The following GFRA2 variants were observed in gnomAD, a reference collection of about 807,000 sequenced individuals.
GFRA2 encodes the protein GDNF family receptor alpha-2.
Under a neutral mutation model 48.3 loss-of-function variants are expected in GFRA2, and 17 were observed. The ratio of observed to expected loss-of-function variants is 0.35; its 90% CI spans 0.24 to 0.53. The LOEUF is 0.53. Among genes scored for constraint, GFRA2 ranks in the 20% least tolerant of loss-of-function variants. The pLI, the probability that GFRA2 is intolerant of heterozygous loss-of-function variation, is 0.93. For missense variants in GFRA2, 660 were observed against 637.3 expected, an observed-to-expected ratio of 1.04 and a Z score of -0.38; for synonymous variants, 305 against 257.2, an observed-to-expected ratio of 1.19 and a Z score of -1.78.
intron 3 of GFRA2, among the ~76,000 whole-genome samples, chr8:21,770,834 T>C (rs1806402778): frequency 6.6e-6 from 1 of 152,166 alleles, no homozygotes; most frequent in Admixed American, 6.5e-5. Flanking sequence ...ACACCCCTGC[T>C]GGCTCCACAC....
chr8:21,756,690 C>CA (rs1213866301), intron 3 of GFRA2, among the ~76,000 whole-genome samples: 3 of 152,242 alleles, frequency 2.0e-5, no homozygotes, highest in Non-Finnish European at 4.4e-5. Context: ...AGACCCCTCA[C>CA]AGTCCTTGCC....
chr8:21,773,910 G>A (rs896197643), intron 3 of GFRA2, among the ~76,000 whole-genome samples: 4 of 152,178 alleles, frequency 2.6e-5, no homozygotes, highest in Non-Finnish European at 1.5e-5. Context: ...CGGGGACATT[G>A]CTGAACATCC....
intron 4 of GFRA2, among the ~76,000 whole-genome samples, chr8:21,737,824 T>C (rs1330228971): frequency 6.6e-6 from 1 of 152,134 alleles, no homozygotes; most frequent in Non-Finnish European, 1.5e-5. Context: ...TTACAACACC[T>C]AATCAAACAG....
chr8:21,695,636 T>A (rs1043864655), intron 7 of GFRA2, among the ~76,000 whole-genome samples: 1 of 152,046 alleles, frequency 6.6e-6, no homozygotes. Flanking sequence ...TCCCCAGCTG[T>A]TGCCCTCTGC....
intron 4 of GFRA2, among the ~76,000 whole-genome samples, chr8:21,732,575 C>T (rs1412135407): frequency 2.0e-5 from 3 of 152,218 alleles, no homozygotes; most frequent in Admixed American, 1.3e-4. Flanking sequence ...CAGGGAGCCC[C>T]CATGAGACCA....
intron 3 of GFRA2, among the ~76,000 whole-genome samples, chr8:21,767,524 G>A (rs976364936): frequency 1.3e-5 from 2 of 152,236 alleles, no homozygotes; most frequent in African/African-American, 4.8e-5. Context: ...CTGAGCCGGA[G>A]TGATTGCAGT....
intron 4 of GFRA2, among the ~76,000 whole-genome samples, chr8:21,740,312 C>T (rs1403640622): frequency 2.6e-5 from 4 of 152,208 alleles, no homozygotes; most frequent in African/African-American, 9.7e-5. Context: ...AAAGGGCAAA[C>T]ATCTTCCCTT....
intron 3 of GFRA2, among the ~76,000 whole-genome samples, chr8:21,770,204 T>A (rs1806377729): frequency 6.6e-6 from 1 of 152,126 alleles, no homozygotes; most frequent in Non-Finnish European, 1.5e-5. Flanking sequence ...TGGCCTCGAA[T>A]CAGCAAAGGC....
At position 21,702,806 on chromosome 8, in the gene GFRA2, T is replaced by C; in HGVS notation, c.1217A>G (p.Gln406Arg). 2 of 1,602,374 alleles carry C rather than the reference T, an allele frequency of 1.2e-6. No homozygotes were observed. Among genetic ancestry groups the C allele is most frequent in the Non-Finnish European group, 1.7e-6 (2 of 1,174,626 alleles). ...CACGCCTCAGCCACACACCCTCACC[T>C]GGACAGACGTGCAGGTGGTGATGAC... Reference protein sequence around the residue: ...TSVITTCTSVQEQGLKANNSK... With the variant: ...TSVITTCTSVREQGLKANNSK... The change falls in exon 7 of 9, where the codon CAG (glutamine) becomes CGG (arginine). Residue 406 changes from glutamine to arginine, a missense_variant and splice_region_variant. Physicochemically the swap from Gln to Arg is conservative, Grantham distance 43. Coordinates refer to ENST00000524240, the MANE Select transcript of GFRA2 (RefSeq NM_001495.5).
At chr8:21,799,303 C>T (rs1339741049) in intron 2 of GFRA2, among the ~76,000 whole-genome samples, 6 of 151,870 alleles carry the variant, frequency 4.0e-5, no homozygotes, top group Non-Finnish European at 7.4e-5. Context: ...CTGTAAGCTC[C>T]GCCTCCTGGG....
intron 4 of GFRA2, among the ~76,000 whole-genome samples, chr8:21,738,984 G>C (rs144563230): frequency 1.8e-4 from 27 of 152,316 alleles, no homozygotes; most frequent in African/African-American, 6.5e-4. Context: ...AACATGCCCA[G>C]CTCCTGCAGC....
rs558921250 is a variant in GFRA2 at position 21,693,505 on chromosome 8, C to A, written c.1273-105G>T. 308 of 1,032,274 alleles carry A rather than the reference C, an allele frequency of 3.0e-4. 1 individual carries two copies. The African/African-American group carries it at 4.8e-3, about 16-fold the overall frequency. The allele number at this position is 1,032,274 out of a possible 1,614,324, so 63.9% of individuals were successfully genotyped here. ...GAGAAACGGACTCAGGAACTGGACA[C>A]CTCAAGCCCCTGTCCTCTCTTCCAC... On this transcript the variant is annotated intron_variant, in intron 8 of 8. Transcript: ENST00000524240.
chr8:21,794,036 C>G (rs1295588211), intron 2 of GFRA2, among the ~76,000 whole-genome samples: 1 of 151,628 alleles, frequency 6.6e-6, no homozygotes, highest in Non-Finnish European at 1.5e-5. Context: ...ATTTACTTAG[C>G]AGAGATGAGG....
rs779299331 is a variant in GFRA2 at position 21,775,726 on chromosome 8, G to T, written c.356-671C>A. ...GTGGGCTGATCCCCAGCTTCCATCT[G>T]CGTGGTCCCTCTCCTGCAGGGCCCT... On this transcript the variant is annotated intron_variant, in intron 2 of 8. Coordinates refer to ENST00000524240, the MANE Select transcript of GFRA2 (RefSeq NM_001495.5). Among the ~76,000 whole-genome samples the T allele has an allele frequency of 2.0e-5, 3 of 152,180 alleles. No individual in the cohort carries two copies. In the South Asian group the frequency reaches 6.2e-4, roughly 31 times the overall value.
At chr8:21,734,070 C>T (rs1804333482) in intron 4 of GFRA2, among the ~76,000 whole-genome samples, 3 of 152,304 alleles carry the variant, frequency 2.0e-5, no homozygotes, top group African/African-American at 4.8e-5. Context: ...GGGCCTCCAC[C>T]GAAGGGCTCC....
At chr8:21,765,293 T>C (rs141212258) in intron 3 of GFRA2, among the ~76,000 whole-genome samples, 1 of 152,070 alleles carries the variant, frequency 6.6e-6, no homozygotes, top group East Asian at 1.9e-4. Context: ...GTGTATTTTG[T>C]AGAGGTGGGG....
chr8:21,711,450 G>C (rs193301243), intron 4 of GFRA2, among the ~76,000 whole-genome samples: 11 of 152,146 alleles, frequency 7.2e-5, no homozygotes, highest in Admixed American at 1.3e-4. Flanking sequence ...GGATCTGTCT[G>C]GAAAACACAA....
intron 3 of GFRA2, among the ~76,000 whole-genome samples, chr8:21,771,886 G>C (rs1445244099): frequency 1.1e-4 from 16 of 152,186 alleles, no homozygotes; most frequent in African/African-American, 3.9e-4. Flanking sequence ...GGTGGGGAGG[G>C]GCTTCCCACG....
In GFRA2 at chr8:21,750,329, A is replaced by T. The variant is rs1019624153; in HGVS notation, c.794+259T>A. On this transcript the variant is annotated intron_variant, in intron 4 of 8. Coordinates refer to ENST00000524240, the MANE Select transcript of GFRA2 (RefSeq NM_001495.5). The surrounding 1 kb of genome is among the most constrained non-coding windows in gnomAD (Gnocchi z 5.7). ...TTTTGGTTTCCCCAGCTGAGCACAAAGTAAGCAAATGATAAACCTGTTCTG... is the reference window on the plus strand; with the variant it reads ...TTTTGGTTTCCCCAGCTGAGCACAATGTAAGCAAATGATAAACCTGTTCTG... Among the ~76,000 whole-genome samples the T allele has an allele frequency of 1.3e-5, 2 of 152,216 alleles. No individual in the cohort carries two copies. Among genetic ancestry groups the T allele is most frequent in the Non-Finnish European group, 2.9e-5 (2 of 68,046 alleles).
Sources: gnomAD v4.1 joint callset for allele counts (sites outside exome capture counted in the v4.1 genomes callset) on GRCh38, gnomAD v4.1.1 for gene constraint, Gnocchi (gnomAD v3.1) non-coding constraint, MANE v1.5 for transcripts, NCBI Gene and HGNC (gene_info 2026-07-23, HGNC 2026-07-21) for gene names.